The following LRP1B variants were observed in gnomAD, a reference collection of about 807,000 sequenced individuals.
LRP1B encodes LDL receptor related protein 1B.
A neutral mutation model predicts 556.6 loss-of-function variants in LRP1B; 217 were observed. The observed-to-expected ratio is 0.39, with a 90% confidence interval of 0.35 to 0.44. LRP1B has a LOEUF of 0.44. Among genes scored for constraint, LRP1B ranks in the 20% least tolerant of loss-of-function variants. LRP1B has a pLI of 1.00. For synonymous variants in LRP1B, 2,047 were observed against 1,865.8 expected, an observed-to-expected ratio of 1.10 and a Z score of -2.50; for missense variants, 5,053 against 5,620.8, an observed-to-expected ratio of 0.90 and a Z score of 3.23.
intron 2 of LRP1B, among the ~76,000 whole-genome samples, chr2:141,615,982 C>T (rs1323796084): frequency 1.3e-5 from 2 of 152,004 alleles, no homozygotes; most frequent in African/African-American, 4.8e-5. Context: ...CACCCAAATC[C>T]TCGTTGTAAA....
intron 41 of LRP1B, among the ~76,000 whole-genome samples, chr2:140,620,934 G>A (rs1683426708): frequency 6.6e-6 from 1 of 151,874 alleles, no homozygotes; most frequent in Non-Finnish European, 1.5e-5. Context: ...TGTTTTAATA[G>A]CATATATATT....
At chr2:140,303,696 G>A (rs1301735387) in intron 83 of LRP1B, among the ~76,000 whole-genome samples, 6 of 151,596 alleles carry the variant, frequency 4.0e-5, no homozygotes, top group Non-Finnish European at 7.4e-5. Flanking sequence ...TCTAGGGTAG[G>A]TGTGCACAAC....
chr2:141,810,640 T>A (rs1281714911), intron 1 of LRP1B, among the ~76,000 whole-genome samples: 2 of 152,088 alleles, frequency 1.3e-5, no homozygotes, highest in African/African-American at 4.8e-5. Flanking sequence ...CTGGAAATAG[T>A]TAAAAATTCT....
At chr2:142,113,768 A>C (rs997042510) in intron 1 of LRP1B, among the ~76,000 whole-genome samples, 4 of 152,174 alleles carry the variant, frequency 2.6e-5, no homozygotes, top group Admixed American at 2.6e-4. Context: ...GTTCATTGGG[A>C]ATTCTGGATC....
intron 21 of LRP1B, among the ~76,000 whole-genome samples, chr2:140,912,266 G>T (rs1694441992): frequency 6.6e-6 from 1 of 151,568 alleles, no homozygotes; most frequent in Admixed American, 6.6e-5. Context: ...TAAACATATT[G>T]ATTTTTACTT....
intron 1 of LRP1B, among the ~76,000 whole-genome samples, chr2:141,834,707 G>A (rs13410713): frequency 0.053 from 8,029 of 152,004 alleles, 716 homozygotes; most frequent in African/African-American, 0.18. Flanking sequence ...GTTTCACAGA[G>A]TGGGTAAGAA....
At chr2:140,331,778 T>C (rs6740002) in intron 79 of LRP1B, among the ~76,000 whole-genome samples, 14,049 of 151,296 alleles carry the variant, frequency 0.093, 759 homozygotes, top group African/African-American at 0.14. Flanking sequence ...TCACTACAAT[T>C]TCCGCCTCCT....
chr2:141,365,419 G>A (rs1573861671), intron 3 of LRP1B, among the ~76,000 whole-genome samples: 2 of 149,902 alleles, frequency 1.3e-5, no homozygotes, highest in East Asian at 4.0e-4. Context: ...TACTTGGAAT[G>A]TTAGAGTCCC....
intron 2 of LRP1B, among the ~76,000 whole-genome samples, chr2:141,705,289 C>T (rs538042147): frequency 7.2e-5 from 11 of 151,944 alleles, no homozygotes; most frequent in Admixed American, 2.0e-4. Context: ...TTTTTTTGAA[C>T]GTCAATTTCT....
At chr2:141,628,287 T>C (rs117502750) in intron 2 of LRP1B, among the ~76,000 whole-genome samples, 1 of 152,162 alleles carries the variant, frequency 6.6e-6, no homozygotes, top group African/African-American at 2.4e-5. Flanking sequence ...TTAATAGAGA[T>C]GAAGGTAAAC....
intron 24 of LRP1B, among the ~76,000 whole-genome samples, chr2:140,885,084 G>T (rs79133849): frequency 0.059 from 9,055 of 152,200 alleles, 922 homozygotes; most frequent in African/African-American, 0.21. Flanking sequence ...TGCTACCACA[G>T]CAGTGCTTTT....
intron 1 of LRP1B, among the ~76,000 whole-genome samples, chr2:142,122,583 G>A (rs372253987): frequency 6.6e-6 from 1 of 152,012 alleles, no homozygotes; most frequent in Non-Finnish European, 1.5e-5. Flanking sequence ...ATACAAGGGC[G>A]CTCAGCAAGA....
chr2:141,422,015 C>T (rs1228539689), intron 3 of LRP1B, among the ~76,000 whole-genome samples: 1 of 152,110 alleles, frequency 6.6e-6, no homozygotes, highest in Non-Finnish European at 1.5e-5. Flanking sequence ...CTATATTAAA[C>T]AGTGCCTAAA....
At chr2:141,442,985 A>G (rs949321643) in intron 3 of LRP1B, among the ~76,000 whole-genome samples, 24 of 152,134 alleles carry the variant, frequency 1.6e-4, no homozygotes, top group Admixed American at 1.6e-3. Context: ...CTGGTTTTAG[A>G]TCCTTGAGGA....
chr2:141,088,084 ATTC>A (rs1223585891), intron 7 of LRP1B, among the ~76,000 whole-genome samples: 1 of 152,130 alleles, frequency 6.6e-6, no homozygotes, highest in Non-Finnish European at 1.5e-5. Flanking sequence ...ACAAAAAGAC[ATTC>A]TTTTTTTTTG....
At chr2:141,462,795 C>A (rs4303666) in intron 3 of LRP1B, among the ~76,000 whole-genome samples, 129,917 of 152,106 alleles carry the variant, frequency 0.85, 55,975 homozygotes, top group East Asian at 0.97. Flanking sequence ...AGTAGTAACC[C>A]GCTGCCCAAA....
chr2:141,237,976 A>G (rs1683706133), intron 5 of LRP1B, among the ~76,000 whole-genome samples: 1 of 152,282 alleles, frequency 6.6e-6, no homozygotes, highest in East Asian at 1.9e-4. Flanking sequence ...GAATTAACAC[A>G]TTGTAAAATA....
chr2:141,425,881 T>C (rs1680343197), intron 3 of LRP1B, among the ~76,000 whole-genome samples: 1 of 151,128 alleles, frequency 6.6e-6, no homozygotes, highest in Admixed American at 6.6e-5. Context: ...GCCTGTTCAC[T>C]CTGATGGTAG....
intron 1 of LRP1B, among the ~76,000 whole-genome samples, chr2:141,966,996 C>A (rs1420530105): frequency 6.6e-6 from 1 of 151,802 alleles, no homozygotes; most frequent in Non-Finnish European, 1.5e-5. Flanking sequence ...GACAATCATT[C>A]CCATTTTCTC....
Sources: allele counts gnomAD v4.1 joint callset (sites outside exome capture counted in the v4.1 genomes callset), GRCh38; gene constraint gnomAD v4.1.1; transcripts MANE v1.5; gene names NCBI Gene and HGNC (gene_info 2026-07-23, HGNC 2026-07-21).